The following TRAPPC9 variants were observed in gnomAD, a reference collection of about 807,000 sequenced individuals.
The protein encoded by TRAPPC9 is IKK2 binding protein.
TRAPPC9 carries 83 observed loss-of-function variants against 124.0 expected under a neutral mutation model. That is an observed-to-expected ratio of 0.67 (90% CI 0.56 to 0.80). The LOEUF (loss-of-function observed/expected upper bound fraction) is 0.80. Ranked by LOEUF, TRAPPC9 falls within the 30% of genes least tolerant of loss-of-function variation. TRAPPC9 has a pLI of 0.00. For missense variants in TRAPPC9, 1,302 were observed against 1,508.3 expected, an observed-to-expected ratio of 0.86 and a Z score of 2.27; for synonymous variants, 638 against 617.5, an observed-to-expected ratio of 1.03 and a Z score of -0.49.
intron 21 of TRAPPC9, among the ~76,000 whole-genome samples, chr8:139,844,641 G>A (rs1488078342): frequency 6.6e-6 from 1 of 152,224 alleles, no homozygotes; most frequent in Non-Finnish European, 1.5e-5. Context: ...AGAGAGGCAG[G>A]TAAGAGCAGG....
intron 21 of TRAPPC9, among the ~76,000 whole-genome samples, chr8:139,771,242 T>C (rs1451920636): frequency 3.9e-5 from 6 of 152,070 alleles, no homozygotes; most frequent in Non-Finnish European, 8.8e-5. Context: ...TAACGCATCA[T>C]CTATCTGCCA....
intron 17 of TRAPPC9, among the ~76,000 whole-genome samples, chr8:140,105,599 G>A (rs1271046868): frequency 1.3e-5 from 2 of 152,040 alleles, no homozygotes; most frequent in Non-Finnish European, 2.9e-5. Flanking sequence ...GGACCTTTCT[G>A]GAATGAGCTC....
chr8:140,037,407 A>G (rs1840963967), intron 17 of TRAPPC9, among the ~76,000 whole-genome samples: 1 of 152,104 alleles, frequency 6.6e-6, no homozygotes, highest in Non-Finnish European at 1.5e-5. Flanking sequence ...GAACAAATGA[A>G]TTCATAAGTA....
intron 18 of TRAPPC9, among the ~76,000 whole-genome samples, chr8:139,990,244 C>A (rs1003909053): frequency 1.3e-5 from 2 of 152,104 alleles, no homozygotes; most frequent in Non-Finnish European, 2.9e-5. Flanking sequence ...GTCCGTGGAG[C>A]CCCCTGCACT....
intron 17 of TRAPPC9, among the ~76,000 whole-genome samples, chr8:140,173,344 G>A (rs1444448922): frequency 1.3e-5 from 2 of 152,110 alleles, no homozygotes; most frequent in African/African-American, 4.8e-5. Flanking sequence ...CACGAGGTCA[G>A]GAGATCGAGA....
Position 140,086,129 on chromosome 8 carries a change from G to A in TRAPPC9, c.2557-62050C>T, listed in dbSNP as rs115603579. Among the ~76,000 whole-genome samples, 696 of 152,296 alleles carry A rather than the reference G, an allele frequency of 4.6e-3. 4 individuals carry two copies. The highest frequency in any genetic ancestry group is 0.016 in the African/African-American group (667 of 41,556). On this transcript the variant is annotated intron_variant, in intron 17 of 22. Transcript: ENST00000438773. ...TCCTGAAGACTAAACCAGAAACAAAGCCTAACCAGGGCTTGGATCGTGTGC... is the reference window on the plus strand; with the variant it reads ...TCCTGAAGACTAAACCAGAAACAAAACCTAACCAGGGCTTGGATCGTGTGC...
chr8:140,238,703 T>C (rs1300778693), intron 16 of TRAPPC9, among the ~76,000 whole-genome samples: 1 of 152,236 alleles, frequency 6.6e-6, no homozygotes, highest in East Asian at 1.9e-4. Flanking sequence ...AGATGTGAAT[T>C]GATTTCAGCT....
intron 21 of TRAPPC9, among the ~76,000 whole-genome samples, chr8:139,821,375 C>T (rs944561532): frequency 2.6e-5 from 4 of 152,220 alleles, no homozygotes; most frequent in African/African-American, 9.6e-5. Context: ...GCTGGGGCCA[C>T]GTGGATGCTG....
chr8:140,169,243 C>T (rs780104425), intron 17 of TRAPPC9, among the ~76,000 whole-genome samples: 3 of 152,180 alleles, frequency 2.0e-5, no homozygotes, highest in Non-Finnish European at 4.4e-5. Context: ...TGAAGCACCA[C>T]TTCACATCCA....
Position 140,359,585 on chromosome 8 carries a change from G to A in TRAPPC9, c.1495+465C>T, listed in dbSNP as rs138132799. Among the ~76,000 whole-genome samples the A allele has an allele frequency of 1.6e-3, 245 of 152,294 alleles. 1 individual carries two copies. Among genetic ancestry groups the A allele is most frequent in the African/African-American group, 5.8e-3 (239 of 41,556 alleles). On this transcript the variant is annotated intron_variant, in intron 9 of 22. Transcript: ENST00000438773. ...GTTACCCAGTGACTCGAAGGGGCACGAGGGGCCCTGGGTTCTGTTCCTGCC... is the reference window on the plus strand; with the variant it reads ...GTTACCCAGTGACTCGAAGGGGCACAAGGGGCCCTGGGTTCTGTTCCTGCC...
At chr8:139,957,459 G>C (rs1018771629) in intron 19 of TRAPPC9, among the ~76,000 whole-genome samples, 2 of 152,228 alleles carry the variant, frequency 1.3e-5, no homozygotes, top group African/African-American at 4.8e-5. Flanking sequence ...GGGACAGCAG[G>C]AGACCTGTCA....
intron 17 of TRAPPC9, among the ~76,000 whole-genome samples, chr8:140,134,260 T>C (rs966008065): frequency 1.3e-5 from 2 of 148,438 alleles, no homozygotes; most frequent in Admixed American, 1.4e-4. Flanking sequence ...AGCCAATTGA[T>C]TGTCTTCTTT....
intron 21 of TRAPPC9, among the ~76,000 whole-genome samples, chr8:139,732,998 G>C (rs952851577): frequency 6.6e-6 from 1 of 152,146 alleles, no homozygotes; most frequent in Non-Finnish European, 1.5e-5. Flanking sequence ...TGGGGTGGGG[G>C]CGGAGAGAGT....
At chr8:139,947,907 T>TATATATATATATATATATATATAG in intron 19 of TRAPPC9, among the ~76,000 whole-genome samples, 3 of 60,370 alleles carry the variant, frequency 5.0e-5, no homozygotes, top group Non-Finnish European at 1.0e-4. Flanking sequence ...TATATATATA[T>TATATATATATATATATATATATAG]AGAGAGAGAG....
At chr8:139,886,378 C>G (rs1010778184) in intron 20 of TRAPPC9, among the ~76,000 whole-genome samples, 1 of 152,216 alleles carries the variant, frequency 6.6e-6, no homozygotes, top group Non-Finnish European at 1.5e-5. Flanking sequence ...GCTGGTTTCA[C>G]GTCGGTCCTG....
At chr8:140,377,975 T>C (rs2068493439) in intron 7 of TRAPPC9, among the ~76,000 whole-genome samples, 1 of 152,060 alleles carries the variant, frequency 6.6e-6, no homozygotes. Flanking sequence ...AAAAATACTT[T>C]GGGATACTTA....
chr8:139,764,557 A>G (rs957018056), intron 21 of TRAPPC9, among the ~76,000 whole-genome samples: 2 of 152,152 alleles, frequency 1.3e-5, no homozygotes, highest in African/African-American at 4.8e-5. Context: ...ACTGAGTGAG[A>G]CACGGGTTCA....
chr8:140,279,673 A>C lies in TRAPPC9; in HGVS notation c.2115-3852T>G, dbSNP rs555567562. 2.0e-5 allele frequency among the ~76,000 whole-genome samples: 3 copies of C among 152,214 alleles called. No homozygotes were observed. The South Asian group carries it at 6.2e-4, about 32-fold the overall frequency. On this transcript the variant is annotated intron_variant, in intron 14 of 22. Transcript: ENST00000438773. ...CTTGTTGAGAGGTAGCAGGTACCAG[A>C]GCATGCACGCACCCCCGTCACAGTG...
chr8:139,751,554 C>G (rs1563784689), intron 21 of TRAPPC9, among the ~76,000 whole-genome samples: 1 of 152,124 alleles, frequency 6.6e-6, no homozygotes, highest in African/African-American at 2.4e-5. Flanking sequence ...TGGTGAGGTT[C>G]TTAGTTAGGG....
Sources: gnomAD v4.1 joint callset for allele counts (sites outside exome capture counted in the v4.1 genomes callset) on GRCh38, gnomAD v4.1.1 for gene constraint, MANE v1.5 for transcripts, NCBI Gene and HGNC (gene_info 2026-07-23, HGNC 2026-07-21) for gene names.